Variants in NELL2 observed in about 807,000 individuals in gnomAD.
The protein encoded by NELL2 is protein kinase C-binding protein NELL2.
A neutral mutation model predicts 109.6 loss-of-function variants in NELL2; 41 were observed. The observed-to-expected ratio is 0.37, with a 90% CI of 0.29 to 0.49. The LOEUF is 0.49. Ranked by LOEUF, NELL2 falls within the 20% of genes least tolerant of loss-of-function variation. The pLI is 0.98. For missense variants in NELL2, 900 were observed against 1,008.3 expected (o/e 0.89, Z 1.45); for synonymous variants, 355 against 344.7 (o/e 1.03, Z -0.33).
exon 1 of NELL2, chr12:44,921,811 C>T (rs568201291): frequency 6.6e-6 from 1 of 152,252 alleles, no homozygotes; most frequent in South Asian, 2.1e-4. Flanking sequence ...GTACTTCTGC[C>T]TTTGTGGAAC....
At chr12:44,732,834 T>G (rs902711780) in intron 9 of NELL2, among the ~76,000 whole-genome samples, 2 of 151,912 alleles carry the variant, frequency 1.3e-5, no homozygotes, top group African/African-American at 4.8e-5. Flanking sequence ...ACATAATGAA[T>G]TTCCACAGCT....
At position 44,688,674 on chromosome 12, in the gene NELL2, A is replaced by G. The variant is rs145641000; in HGVS notation, c.1318+15052T>C. On this transcript the variant is annotated intron_variant, in intron 12 of 19. Transcript: ENST00000429094. ...CAATGCGCTTGTTTGTCACAGATAGACAGATTTTGATTTGATCCATACAAA... is the reference window on the plus strand; with the variant it reads ...CAATGCGCTTGTTTGTCACAGATAGGCAGATTTTGATTTGATCCATACAAA... Among the ~76,000 whole-genome samples, 86 of 152,302 alleles carry G rather than the reference A, an allele frequency of 5.6e-4. No individual in the cohort carries two copies. In the East Asian group the frequency reaches 0.016, roughly 28 times the overall value.
In NELL2 at chr12:44,518,466, C is replaced by T. The variant is rs371250901; in HGVS notation, c.2400+1539G>A. Among the ~76,000 whole-genome samples the T allele has an allele frequency of 6.3e-3, 963 of 152,158 alleles. 8 individuals are homozygous for T. The highest frequency in any genetic ancestry group is 0.022 in the African/African-American group (933 of 41,530). On this transcript the variant is annotated intron_variant, in intron 19 of 19. Coordinates refer to ENST00000429094, the MANE Select transcript of NELL2 (RefSeq NM_001145108.2). ...TTCACCGTGTTAGCCAGGATGGTCT[C>T]GATCTCCTGACCTTGTGATCCGCCC...
chr12:44,547,906 T>G (rs889150752), intron 15 of NELL2, among the ~76,000 whole-genome samples: 5 of 152,216 alleles, frequency 3.3e-5, no homozygotes, highest in African/African-American at 9.6e-5. Context: ...CAAGTCTTAC[T>G]TATCCAGGCT....
rs1239120229 is a variant in NELL2, at chr12:44,723,043, G to A, written c.995-8302C>T. Among the ~76,000 whole-genome samples the A allele has an allele frequency of 7.2e-5, 11 of 152,174 alleles. 1 individual carries two copies. Among genetic ancestry groups the A allele is most frequent in the Admixed American group, 6.5e-4 (10 of 15,290 alleles). The stretch of plus-strand genomic sequence containing the variant: ...CTCTACTAAAAATACAAAAAAATTA[G>A]CCGGTCATGGTGGTGGGCGCCTGTA... On this transcript the variant is annotated intron_variant, in intron 9 of 19. Transcript: ENST00000429094.
At chr12:44,665,961 C>T (rs1403285281) in intron 12 of NELL2, among the ~76,000 whole-genome samples, 3 of 152,124 alleles carry the variant, frequency 2.0e-5, no homozygotes, top group African/African-American at 7.2e-5. Context: ...GAGCCTGCCA[C>T]ATATTATTGT....
chr12:44,724,118 A>T (rs1035921304), intron 9 of NELL2, among the ~76,000 whole-genome samples: 1 of 151,992 alleles, frequency 6.6e-6, no homozygotes, highest in Admixed American at 6.6e-5. Context: ...AGAGGCCATC[A>T]TCCTAGACAA....
At chr12:44,557,161 GGCC>G (rs1308957389) in intron 15 of NELL2, among the ~76,000 whole-genome samples, 1 of 152,048 alleles carries the variant, frequency 6.6e-6, no homozygotes, top group African/African-American at 2.4e-5. Context: ...CTTGAACCAG[GGCC>G]CCCCACCTCT....
chr12:44,848,486 A>C (rs1361528643), intron 2 of NELL2, among the ~76,000 whole-genome samples: 1 of 152,146 alleles, frequency 6.6e-6, no homozygotes. Context: ...AGGTGGGCAA[A>C]GGATATCAAC....
intron 1 of NELL2, among the ~76,000 whole-genome samples, chr12:44,920,058 G>C (rs915436466): frequency 1.3e-5 from 2 of 152,048 alleles, no homozygotes; most frequent in East Asian, 3.9e-4. Flanking sequence ...AAACTGGAGA[G>C]CTTTTCAAAG....
intron 15 of NELL2, among the ~76,000 whole-genome samples, chr12:44,602,531 T>C (rs1247003292): frequency 6.6e-6 from 1 of 152,192 alleles, no homozygotes; most frequent in African/African-American, 2.4e-5. Flanking sequence ...AAAATTCTTA[T>C]TGGAAAAGCA....
rs71093810 is a variant in NELL2 at position 44,517,371 on chromosome 12, T to TTCTCTCTCTCTC, written c.2400+2622_2400+2633dup. ...GTCTGGTACCTACCCACCAACTACTTTCTCTCTCTCTCTCTCTCTCTCTCT... is the reference window on the plus strand; with the variant it reads ...GTCTGGTACCTACCCACCAACTACTTTCTCTCTCTCTCTCTCTCTCTCTCTCTCTCTCTCTCT... On this transcript the variant is annotated intron_variant, in intron 19 of 19. Transcript: ENST00000429094. 2.9e-5 allele frequency among the ~76,000 whole-genome samples: 3 copies of TTCTCTCTCTCTC among 102,506 alleles called. No individual in the cohort carries two copies. In the East Asian group the frequency reaches 9.6e-4, roughly 33 times the overall value. 67.2% of individuals were successfully genotyped at this position (102,506 alleles called of 152,430 possible).
Position 44,513,952 on chromosome 12 carries a change from CA to C in NELL2, c.2401-4969del, listed in dbSNP as rs150651038. Among the ~76,000 whole-genome samples, 587 of 122,798 alleles carry C rather than the reference CA, an allele frequency of 4.8e-3. 4 individuals carry two copies. The highest frequency in any genetic ancestry group is 0.02 in the South Asian group (79 of 3,888). 80.6% of individuals were successfully genotyped at this position (122,798 alleles called of 152,430 possible). On this transcript the variant is annotated intron_variant, in intron 19 of 19. Coordinates refer to ENST00000429094, the MANE Select transcript of NELL2 (RefSeq NM_001145108.2). Reference sequence around the variant, plus strand: ...AGCAAACACCAAAGAAAATAAAGACCAAAAAAAAAAAAAATTAGACCTAAGT... The same window carrying C: ...AGCAAACACCAAAGAAAATAAAGACCAAAAAAAAAAAAATTAGACCTAAGT...
chr12:44,705,109 G>A (rs1435762686), intron 11 of NELL2, among the ~76,000 whole-genome samples: 4 of 151,434 alleles, frequency 2.6e-5, no homozygotes, highest in Non-Finnish European at 5.9e-5. Context: ...TTTTACTTGC[G>A]AAAATCATAT....
chr12:44,858,034 C>G (rs1944733116), intron 2 of NELL2, among the ~76,000 whole-genome samples: 1 of 152,150 alleles, frequency 6.6e-6, no homozygotes, highest in Admixed American at 6.5e-5. Flanking sequence ...TCCAAGGGAG[C>G]ATGATCCTCT....
chr12:44,813,547 T>C (rs999097233), intron 3 of NELL2, among the ~76,000 whole-genome samples: 44 of 152,118 alleles, frequency 2.9e-4, no homozygotes, highest in African/African-American at 9.9e-4. Flanking sequence ...CAAATACTTA[T>C]GTATAAGAAA....
chr12:44,870,840 T>G (rs923982236), intron 2 of NELL2, among the ~76,000 whole-genome samples: 3 of 152,110 alleles, frequency 2.0e-5, no homozygotes, highest in Admixed American at 6.6e-5. Flanking sequence ...AAACTTAACT[T>G]CCCCTTGCTG....
chr12:44,545,131 A>T (rs987592501), intron 15 of NELL2, among the ~76,000 whole-genome samples: 3 of 152,156 alleles, frequency 2.0e-5, no homozygotes, highest in African/African-American at 4.8e-5. Context: ...TTCTGGTTTA[A>T]CATAGAATTG....
intron 15 of NELL2, among the ~76,000 whole-genome samples, chr12:44,562,117 A>C (rs1482225374): frequency 6.6e-6 from 1 of 152,218 alleles, no homozygotes; most frequent in Non-Finnish European, 1.5e-5. Context: ...AGCCATATGC[A>C]GAAAACTGAA....
Sources: gnomAD v4.1 joint callset for allele counts (sites outside exome capture counted in the v4.1 genomes callset) on GRCh38, gnomAD v4.1.1 for gene constraint, MANE v1.5 for transcripts, NCBI Gene and HGNC (gene_info 2026-07-23, HGNC 2026-07-21) for gene names.